The following C1orf87 variants were observed in gnomAD, a reference collection of about 807,000 sequenced individuals.
C1orf87 encodes the protein uncharacterized protein C1orf87.
Under a neutral mutation model 60.5 loss-of-function variants are expected in C1orf87, and 58 were observed. The observed-to-expected ratio is 0.96, with a 90% CI of 0.78 to 1.19. The LOEUF is 1.19. Among genes scored for constraint, C1orf87 ranks in the 50% most tolerant of loss-of-function variants. The pLI is 0.00. For synonymous variants in C1orf87, 236 were observed against 227.4 expected, an observed-to-expected ratio of 1.04 and a Z score of -0.34; for missense variants, 673 against 638.6, an observed-to-expected ratio of 1.05 and a Z score of -0.58.
At chr1:60,049,147 A>G (rs1645394636) in intron 3 of C1orf87, among the ~76,000 whole-genome samples, 1 of 152,084 alleles carries the variant, frequency 6.6e-6, no homozygotes, top group East Asian at 1.9e-4. Flanking sequence ...TAGTTCTGCT[A>G]ATTACTGTCA....
At position 60,010,381 on chromosome 1, in the gene C1orf87, A is replaced by G. The variant is rs1470096185; in HGVS notation, c.1192+11T>C. Reference sequence around the variant, plus strand: ...AAGGTCTCTCTGGAGCAAAAAAATAATGGAACTCACCTGTAGGCAAATCAG... The same window carrying G: ...AAGGTCTCTCTGGAGCAAAAAAATAGTGGAACTCACCTGTAGGCAAATCAG... On this transcript the variant is annotated intron_variant, in intron 9 of 11. Coordinates refer to ENST00000371201, the MANE Select transcript of C1orf87 (RefSeq NM_152377.3). The G allele has an allele frequency of 1.9e-6, 3 of 1,610,316 alleles. No homozygotes were observed. The highest frequency in any genetic ancestry group is 4.5e-5 in the East Asian group (2 of 44,778).
intron 3 of C1orf87, among the ~76,000 whole-genome samples, chr1:60,047,902 G>C (rs1645384720): frequency 6.6e-6 from 1 of 151,854 alleles, no homozygotes; most frequent in African/African-American, 2.4e-5. Context: ...ATGCAATGAA[G>C]TCACTGTGTT....
chr1:60,019,997 G>A (rs950728076), intron 8 of C1orf87, among the ~76,000 whole-genome samples: 1 of 152,188 alleles, frequency 6.6e-6, no homozygotes, highest in African/African-American at 2.4e-5. Flanking sequence ...GAAAGGAAAA[G>A]CACATTTTCT....
chr1:59,996,138 A>C (rs1448304418), intron 11 of C1orf87, among the ~76,000 whole-genome samples: 1 of 152,214 alleles, frequency 6.6e-6, no homozygotes, highest in Non-Finnish European at 1.5e-5. Flanking sequence ...GTGGTCTAGA[A>C]TTAAGTTGCT....
intron 2 of C1orf87, among the ~76,000 whole-genome samples, chr1:60,066,823 C>A (rs1216144859): frequency 2.0e-5 from 3 of 152,056 alleles, no homozygotes. Flanking sequence ...TTAACCCTCC[C>A]CTTCCCCCAA....
chr1:60,059,656 T>C (rs1645481398), intron 2 of C1orf87, among the ~76,000 whole-genome samples: 1 of 152,156 alleles, frequency 6.6e-6, no homozygotes, highest in African/African-American at 2.4e-5. Context: ...AGATCTCACA[T>C]TTGATTTGGA....
In C1orf87 at chr1:59,994,709, C is replaced by T. The variant is rs116657458; in HGVS notation, c.1480+2900G>A. On this transcript the variant is annotated intron_variant, in intron 11 of 11. Coordinates refer to ENST00000371201, the MANE Select transcript of C1orf87 (RefSeq NM_152377.3). ...CCTCAAGGCTATTTTGTTGACAACC[C>T]CCATTAGAGAATAAGCACAGTAGGT... Among the ~76,000 whole-genome samples the T allele has an allele frequency of 4.1e-4, 63 of 152,168 alleles. 1 individual carries two copies. Among genetic ancestry groups the T allele is most frequent in the African/African-American group, 1.4e-3 (59 of 41,506 alleles).
chr1:60,065,313 G>T (rs1434377207), intron 2 of C1orf87, among the ~76,000 whole-genome samples: 1 of 151,570 alleles, frequency 6.6e-6, no homozygotes, highest in Non-Finnish European at 1.5e-5. Flanking sequence ...TAGCTTCATG[G>T]AGAGTTTAAA....
intron 1 of C1orf87, 99 bp from the exon 2 acceptor site, chr1:60,072,769 G>A: frequency 3.2e-6 from 2 of 621,706 alleles, no homozygotes; most frequent in South Asian, 2.0e-5. Flanking sequence ...GCAGGACAAA[G>A]TGTTTCACCT....
chr1:60,072,744 C>G, intron 1 of C1orf87, 74 bp from the exon 2 acceptor site: 1 of 724,706 alleles, frequency 1.4e-6, no homozygotes, highest in Non-Finnish European at 2.3e-6. Context: ...CCAATAACAA[C>G]AAGCAATAAT....
chr1:60,047,783 C>T (rs995007139), intron 3 of C1orf87, among the ~76,000 whole-genome samples: 8 of 149,476 alleles, frequency 5.4e-5, no homozygotes, highest in African/African-American at 2.0e-4. Flanking sequence ...TGCTTTATCA[C>T]ATAAAATATA....
At chr1:60,017,571 A>G (rs1261581162) in intron 8 of C1orf87, among the ~76,000 whole-genome samples, 2 of 152,160 alleles carry the variant, frequency 1.3e-5, no homozygotes, top group South Asian at 2.1e-4. Context: ...AATTTTGCCA[A>G]TACAATTTTA....
At chr1:60,055,496 C>T in intron 2 of C1orf87, 58 bp from the exon 3 acceptor site, 1 of 1,463,374 alleles carries the variant, frequency 6.8e-7, no homozygotes, top group Non-Finnish European at 9.6e-7. Flanking sequence ...ATACACTAGG[C>T]TGGCATAAGA....
intron 7 of C1orf87, among the ~76,000 whole-genome samples, chr1:60,029,605 C>T (rs114843186): frequency 0.011 from 1,580 of 148,792 alleles, 21 homozygotes; most frequent in African/African-American, 0.037. Context: ...CTACCGAGAA[C>T]ACTTTTCCCA....
chr1:60,022,141 A>G (rs1002891721), intron 8 of C1orf87, among the ~76,000 whole-genome samples: 2 of 142,638 alleles, frequency 1.4e-5, no homozygotes, highest in Admixed American at 7.2e-5. Flanking sequence ...TTCTACGTGT[A>G]ATAACATACT....
chr1:60,064,631 AAT>A (rs201618962), intron 2 of C1orf87, among the ~76,000 whole-genome samples: 6 of 106,530 alleles, frequency 5.6e-5, no homozygotes, highest in South Asian at 2.4e-4. Context: ...CATATATATA[AAT>A]ATATATGATA....
At chr1:60,027,455 T>TGCATGGTGTGGCCTGGCCCC (rs1219117869) in intron 7 of C1orf87, among the ~76,000 whole-genome samples, 1 of 152,198 alleles carries the variant, frequency 6.6e-6, no homozygotes, top group African/African-American at 2.4e-5. Context: ...CCTCTGGCCC[T>TGCATGGTGTGGCCTGGCCCC]GCATGGTGTG....
intron 8 of C1orf87, among the ~76,000 whole-genome samples, chr1:60,024,277 C>T (rs1050443714): frequency 1.3e-5 from 2 of 152,110 alleles, no homozygotes; most frequent in African/African-American, 4.8e-5. Context: ...TGCTCAAAAA[C>T]ATTTTGATCA....
At chr1:60,063,173 C>A (rs1645508405) in intron 2 of C1orf87, among the ~76,000 whole-genome samples, 1 of 152,026 alleles carries the variant, frequency 6.6e-6, no homozygotes, top group African/African-American at 2.4e-5. Flanking sequence ...AGATTGAGTT[C>A]ATAGATATTC....
Sources: allele counts gnomAD v4.1 joint callset (sites outside exome capture counted in the v4.1 genomes callset), GRCh38; gene constraint gnomAD v4.1.1; transcripts MANE v1.5; gene names NCBI Gene and HGNC (gene_info 2026-07-23, HGNC 2026-07-21).